NFATC1: variants seen among roughly 807,000 people sequenced by gnomAD.
NFATC1 encodes nuclear factor of activated T cells 1, also known as nuclear factor of activated T-cells, cytoplasmic 1.
Under a neutral mutation model 76.0 loss-of-function variants are expected in NFATC1, and 22 were observed. The ratio of observed to expected loss-of-function variants is 0.29; its 90% CI spans 0.21 to 0.41. The LOEUF is 0.41. Ranked by LOEUF, NFATC1 falls within the 10% of genes least tolerant of loss-of-function variation. The pLI is 1.00. For missense variants in NFATC1, 1,357 were observed against 1,337.7 expected (o/e 1.01, Z -0.23); for synonymous variants, 704 against 613.1 (o/e 1.15, Z -2.19).
chr18:79,515,049 A>G (rs113507668), intron 9 of NFATC1, among the ~76,000 whole-genome samples: 5,596 of 151,930 alleles, frequency 0.037, 139 homozygotes, highest in Non-Finnish European at 0.056. Flanking sequence ...CGCTGATTCT[A>G]AAAATAAAAT....
At chr18:79,464,710 ATTTT>A (rs1183533737) in intron 7 of NFATC1, among the ~76,000 whole-genome samples, 1 of 92,032 alleles carries the variant, frequency 1.1e-5, no homozygotes, top group Admixed American at 1.1e-4. Flanking sequence ...TTATTTATTT[ATTTT>A]TTTTTTTTTG....
At chr18:79,461,730 G>T (rs1192636006) in intron 7 of NFATC1, among the ~76,000 whole-genome samples, 1 of 152,174 alleles carries the variant, frequency 6.6e-6, no homozygotes, top group African/African-American at 2.4e-5. Flanking sequence ...CCATCACCTG[G>T]CACAGAGCAG....
rs748636430 is a variant in NFATC1 at position 79,407,795 on chromosome 18, C to T, written c.128-2608C>T. 8.6e-4 allele frequency among the ~76,000 whole-genome samples: 131 copies of T among 152,182 alleles called. 3 individuals are homozygous for T. Among genetic ancestry groups the T allele is most frequent in the Admixed American group, 7.8e-3 (119 of 15,284 alleles). On this transcript the variant is annotated intron_variant, in intron 1 of 9. Transcript: ENST00000427363. Reference sequence around the variant, plus strand: ...GTTCTCTCTCCGGTGCAGGAGACTGCGTGGCTCCCGTCCTCTTGAGGGCAT... The same window carrying T: ...GTTCTCTCTCCGGTGCAGGAGACTGTGTGGCTCCCGTCCTCTTGAGGGCAT...
Position 79,516,245 on chromosome 18 carries a change from C to T in NFATC1, c.2783-11283C>T, listed in dbSNP as rs1361444821. Among the ~76,000 whole-genome samples the T allele has an allele frequency of 2.6e-5, 4 of 152,282 alleles. No homozygotes were observed. The Middle Eastern group carries it at 0.01, about 388-fold the overall frequency. On this transcript the variant is annotated intron_variant, in intron 9 of 9. Transcript: ENST00000427363. ...TTGTTTTATGAAAACTGTGACTTGT[C>T]AGGCCGTCCCTCCGTTGTCCCGTCC...
At chr18:79,492,395 T>A (rs1223167581) in intron 9 of NFATC1, among the ~76,000 whole-genome samples, 1 of 152,234 alleles carries the variant, frequency 6.6e-6, no homozygotes, top group South Asian at 2.1e-4. Context: ...GAACCCCATC[T>A]CTACTAAAAA....
At chr18:79,402,490 T>C (rs2085301737) in intron 1 of NFATC1, 2 of 747,240 alleles carry the variant, frequency 2.7e-6, no homozygotes, top group African/African-American at 3.8e-5. Context: ...CCCTGGGCCC[T>C]CCGGAGCTGC....
At chr18:79,514,774 A>G (rs1019106094) in intron 9 of NFATC1, among the ~76,000 whole-genome samples, 3 of 151,960 alleles carry the variant, frequency 2.0e-5, no homozygotes, top group African/African-American at 7.3e-5. Flanking sequence ...GGCTGGGTAC[A>G]GTGGCTCACA....
chr18:79,475,140 G>A (rs1183954578), intron 8 of NFATC1, among the ~76,000 whole-genome samples: 1 of 147,568 alleles, frequency 6.8e-6, no homozygotes, highest in African/African-American at 2.6e-5. Flanking sequence ...GTAAACCTGA[G>A]GGAAGCATGT....
intron 8 of NFATC1, among the ~76,000 whole-genome samples, chr18:79,481,665 A>T (rs3826569): frequency 6.6e-6 from 1 of 152,106 alleles, no homozygotes; most frequent in Non-Finnish European, 1.5e-5. Context: ...AATGTGCGGG[A>T]CTGAGAGCCA....
chr18:79,405,247 C>T (rs992060583), intron 1 of NFATC1, among the ~76,000 whole-genome samples: 2 of 152,212 alleles, frequency 1.3e-5, no homozygotes, highest in Non-Finnish European at 2.9e-5. Context: ...GTGCTCTCCG[C>T]GATCATTGCT....
chr18:79,441,101 T>C (rs2086958281), intron 3 of NFATC1, among the ~76,000 whole-genome samples: 1 of 152,208 alleles, frequency 6.6e-6, no homozygotes, highest in African/African-American at 2.4e-5. Flanking sequence ...CGCACCATCA[T>C]ACACACTTGG....
intron 8 of NFATC1, among the ~76,000 whole-genome samples, chr18:79,481,574 G>A (rs1039368554): frequency 2.0e-5 from 3 of 152,252 alleles, no homozygotes; most frequent in African/African-American, 7.2e-5. Context: ...ACATTCAGGT[G>A]GCTGAAGGCA....
chr18:79,523,018 G>C (rs1171548248), intron 9 of NFATC1, among the ~76,000 whole-genome samples: 1 of 152,186 alleles, frequency 6.6e-6, no homozygotes, highest in African/African-American at 2.4e-5. Context: ...CAGCTCTGGG[G>C]TCCCTGGCAG....
chr18:79,517,503 G>A (rs191750174), intron 9 of NFATC1, among the ~76,000 whole-genome samples: 7 of 152,326 alleles, frequency 4.6e-5, no homozygotes, highest in Non-Finnish European at 7.3e-5. Flanking sequence ...CCTGCTGGAC[G>A]GAAAGTGAGG....
At chr18:79,426,183 G>A (rs1031495202) in intron 2 of NFATC1, among the ~76,000 whole-genome samples, 2 of 151,960 alleles carry the variant, frequency 1.3e-5, no homozygotes, top group Non-Finnish European at 2.9e-5. Flanking sequence ...TCAGAAAAAA[G>A]AATTCGATAA....
chr18:79,461,419 G>GATGGGGT, intron 7 of NFATC1, 53 bp downstream of exon 7: 1 of 1,594,238 alleles, frequency 6.3e-7, no homozygotes, highest in Non-Finnish European at 8.6e-7. Flanking sequence ...GGCTTGGGAG[G>GATGGGGT]CTGGGGTCTG....
chr18:79,432,519 C>G (rs1402758444), intron 2 of NFATC1, among the ~76,000 whole-genome samples: 1 of 152,256 alleles, frequency 6.6e-6, no homozygotes, highest in Non-Finnish European at 1.5e-5. Flanking sequence ...CATCCTCCGC[C>G]TGCCTTGGCC....
chr18:79,516,491 G>T (rs956952146), intron 9 of NFATC1, among the ~76,000 whole-genome samples: 5 of 152,140 alleles, frequency 3.3e-5, no homozygotes, highest in Non-Finnish European at 7.3e-5. Context: ...GAATGTGGTG[G>T]CTCCTCGACT....
chr18:79,453,155 G>C (rs8090560), intron 6 of NFATC1, among the ~76,000 whole-genome samples: 1 of 152,108 alleles, frequency 6.6e-6, no homozygotes, highest in African/African-American at 2.4e-5. Flanking sequence ...CAGAGCTTTC[G>C]GTGTGTGTCC....
Sources: gnomAD v4.1 joint callset for allele counts (sites outside exome capture counted in the v4.1 genomes callset) on GRCh38, gnomAD v4.1.1 for gene constraint, MANE v1.5 for transcripts, NCBI Gene and HGNC (gene_info 2026-07-23, HGNC 2026-07-21) for gene names.